CCDC192: variants seen among roughly 807,000 people sequenced by gnomAD.
CCDC192 encodes coiled-coil domain-containing protein 192.
chr5:127,823,268 A>G (rs1035164913), intron 5 of CCDC192, among the ~76,000 whole-genome samples: 2 of 152,176 alleles, frequency 1.3e-5, no homozygotes, highest in African/African-American at 4.8e-5. Flanking sequence ...GGTGATGTTG[A>G]CAGAGCCTGG....
chr5:127,845,556 G>A (rs1378134001), intron 5 of CCDC192, among the ~76,000 whole-genome samples: 1 of 152,066 alleles, frequency 6.6e-6, no homozygotes, highest in South Asian at 2.1e-4. Context: ...AGGCTCAGAG[G>A]AAAAACAAAC....
chr5:127,832,897 A>C (rs1749867320), intron 5 of CCDC192, among the ~76,000 whole-genome samples: 1 of 152,160 alleles, frequency 6.6e-6, no homozygotes, highest in Non-Finnish European at 1.5e-5. Flanking sequence ...TCAATCTCCT[A>C]AATATTGAAA....
chr5:127,755,523 C>A (rs1432023409), intron 3 of CCDC192, among the ~76,000 whole-genome samples: 1 of 150,024 alleles, frequency 6.7e-6, no homozygotes, highest in Non-Finnish European at 1.5e-5. Flanking sequence ...ATGTGTTGCC[C>A]TTTTGGAAAA....
intron 6 of CCDC192, among the ~76,000 whole-genome samples, chr5:127,879,190 T>G (rs1001481537): frequency 2.2e-4 from 34 of 152,076 alleles, no homozygotes; most frequent in Admixed American, 2.2e-3. Flanking sequence ...CAAACTATAC[T>G]ACAAGGCTAC....
intron 6 of CCDC192, among the ~76,000 whole-genome samples, chr5:127,921,687 A>AAGG (rs1753726346): frequency 2.0e-5 from 3 of 152,130 alleles, no homozygotes; most frequent in Non-Finnish European, 2.9e-5. Flanking sequence ...GGAGGGGCTG[A>AAGG]TTTGTCCAAG....
intron 6 of CCDC192, among the ~76,000 whole-genome samples, chr5:127,919,982 A>T (rs1325272726): frequency 6.6e-6 from 1 of 152,204 alleles, no homozygotes; most frequent in Non-Finnish European, 1.5e-5. Context: ...ACATCATTAT[A>T]CTTCCTCTCT....
chr5:127,816,923 A>C (rs768830941), intron 5 of CCDC192, among the ~76,000 whole-genome samples: 3 of 152,208 alleles, frequency 2.0e-5, no homozygotes, highest in Non-Finnish European at 2.9e-5. Flanking sequence ...AGGCTGGAAA[A>C]ATATTAGAGT....
At position 127,859,696 on chromosome 5, in the gene CCDC192, T is replaced by C. The variant is rs984341505; in HGVS notation, c.412-15842T>C. On this transcript the variant is annotated intron_variant, in intron 5 of 6. Coordinates refer to ENST00000514853, the MANE Select transcript of CCDC192 (RefSeq NM_001317938.2). ...CTTTTTCTCTGGAAAGCACATTAGATTTTATCGAAGATTCCCTTCTCTACT... is the reference window on the plus strand; with the variant it reads ...CTTTTTCTCTGGAAAGCACATTAGACTTTATCGAAGATTCCCTTCTCTACT... Among the ~76,000 whole-genome samples the C allele has an allele frequency of 2.6e-5, 4 of 152,296 alleles. No individual in the cohort carries two copies. The East Asian group carries it at 5.8e-4, about 22-fold the overall frequency.
intron 3 of CCDC192, among the ~76,000 whole-genome samples, chr5:127,756,794 C>T (rs1754626058): frequency 6.6e-6 from 1 of 152,196 alleles, no homozygotes; most frequent in African/African-American, 2.4e-5. Context: ...GAATTCCTTC[C>T]CAAAGTTAGT....
chr5:127,768,922 A>G (rs1462040633), intron 3 of CCDC192, among the ~76,000 whole-genome samples: 1 of 152,204 alleles, frequency 6.6e-6, no homozygotes. Flanking sequence ...GAAATTTCCT[A>G]ATTTGTGTTA....
intron 2 of CCDC192, among the ~76,000 whole-genome samples, chr5:127,738,741 C>A (rs773154681): frequency 6.6e-6 from 1 of 152,216 alleles, no homozygotes; most frequent in Admixed American, 6.5e-5. Context: ...GAGGCTTCTG[C>A]ATTCGTCACG....
At chr5:127,727,458 G>A (rs1291000716) in intron 2 of CCDC192, among the ~76,000 whole-genome samples, 1 of 151,008 alleles carries the variant, frequency 6.6e-6, no homozygotes, top group East Asian at 2.0e-4. Context: ...GGCAACAAGA[G>A]AGAAACTCCA....
At chr5:127,931,398 G>A (rs1267963606) in intron 6 of CCDC192, among the ~76,000 whole-genome samples, 1 of 152,132 alleles carries the variant, frequency 6.6e-6, no homozygotes, top group Non-Finnish European at 1.5e-5. Flanking sequence ...TTAAAGCAGC[G>A]GGGCTGGGTT....
At chr5:127,802,450 A>G (rs560456498) in intron 5 of CCDC192, among the ~76,000 whole-genome samples, 8 of 151,818 alleles carry the variant, frequency 5.3e-5, no homozygotes, top group Non-Finnish European at 1.0e-4. Context: ...TGCGACCCCC[A>G]AGTGCACCCT....
At chr5:127,802,705 A>G (rs1258400424) in intron 5 of CCDC192, among the ~76,000 whole-genome samples, 1 of 152,160 alleles carries the variant, frequency 6.6e-6, no homozygotes, top group Admixed American at 6.6e-5. Context: ...CTTTCTCAAG[A>G]CTGCAAGTTC....
At chr5:127,828,834 C>G (rs557637305) in intron 5 of CCDC192, among the ~76,000 whole-genome samples, 6 of 152,198 alleles carry the variant, frequency 3.9e-5, no homozygotes, top group African/African-American at 9.6e-5. Context: ...AGAAAGTTGT[C>G]CAGAAATAAG....
At chr5:127,930,665 C>T (rs1425732204) in intron 6 of CCDC192, among the ~76,000 whole-genome samples, 1 of 152,228 alleles carries the variant, frequency 6.6e-6, no homozygotes, top group East Asian at 1.9e-4. Flanking sequence ...GTAAAATATT[C>T]TGATGTGGCC....
intron 6 of CCDC192, among the ~76,000 whole-genome samples, chr5:127,903,645 A>G (rs888715793): frequency 1.3e-5 from 2 of 152,164 alleles, no homozygotes; most frequent in Non-Finnish European, 2.9e-5. Context: ...AATAATGTCA[A>G]CTGCTCCCAA....
chr5:127,744,807 ATTT>A (rs1753643249), intron 2 of CCDC192, among the ~76,000 whole-genome samples: 1 of 152,194 alleles, frequency 6.6e-6, no homozygotes, highest in Non-Finnish European at 1.5e-5. Context: ...AATTATTAAC[ATTT>A]ATTGAGCACT....
Sources: allele counts gnomAD v4.1 joint callset (sites outside exome capture counted in the v4.1 genomes callset), GRCh38; gene constraint gnomAD v4.1.1; transcripts MANE v1.5; gene names NCBI Gene and HGNC (gene_info 2026-07-23, HGNC 2026-07-21).